MANBA: variants seen among roughly 807,000 people sequenced by gnomAD.
MANBA encodes the protein beta-mannosidase.
A neutral mutation model predicts 111.1 loss-of-function variants in MANBA; 83 were observed. The ratio of observed to expected loss-of-function variants is 0.75; its 90% confidence interval spans 0.63 to 0.90. MANBA has a LOEUF of 0.90. Among genes scored for constraint, MANBA ranks in the 40% least tolerant of loss-of-function variants. The pLI, the probability that MANBA is intolerant of heterozygous loss-of-function variation, is 0.00. For synonymous variants in MANBA, 370 were observed against 378.7 expected, an observed-to-expected ratio of 0.98 and a Z score of 0.27; for missense variants, 1,036 against 1,069.0, an observed-to-expected ratio of 0.97 and a Z score of 0.43.
At chr4:102,650,928 C>T (rs1176323720) in intron 12 of MANBA, 1 of 499,208 alleles carries the variant, frequency 2.0e-6, no homozygotes, top group African/African-American at 1.9e-5. Context: ...TATATCCTCC[C>T]TTCCTCCAAC....
intron 5 of MANBA, among the ~76,000 whole-genome samples, chr4:102,713,884 G>A (rs1463976630): frequency 8.3e-6 from 1 of 120,282 alleles, no homozygotes; most frequent in Non-Finnish European, 1.7e-5. Flanking sequence ...CAACAAGAGT[G>A]AAACTCCATC....
chr4:102,730,274 G>A (rs549435867), intron 1 of MANBA: 17 of 554,044 alleles, frequency 3.1e-5, no homozygotes, highest in Non-Finnish European at 4.5e-5. Context: ...ACCACATATC[G>A]TCTCATGACC....
chr4:102,680,019 T>C (rs1232867558), intron 7 of MANBA, among the ~76,000 whole-genome samples: 1 of 152,180 alleles, frequency 6.6e-6, no homozygotes, highest in Non-Finnish European at 1.5e-5. Context: ...ATTTGATTAA[T>C]TGCTGTAGAA....
intron 4 of MANBA, among the ~76,000 whole-genome samples, chr4:102,720,366 C>T (rs1169452072): frequency 1.3e-5 from 2 of 150,288 alleles, no homozygotes; most frequent in African/African-American, 2.5e-5. Context: ...ACCCAGGAGG[C>T]GGAGCTTGCA....
chr4:102,670,241 A>G (rs1731434482), intron 9 of MANBA, among the ~76,000 whole-genome samples: 1 of 151,558 alleles, frequency 6.6e-6, no homozygotes, highest in Non-Finnish European at 1.5e-5. Context: ...GAGTTGTTAG[A>G]GTTTGGATAA....
chr4:102,684,244 C>CCAGG (rs1197168476), intron 7 of MANBA, among the ~76,000 whole-genome samples: 5 of 151,936 alleles, frequency 3.3e-5, no homozygotes, highest in African/African-American at 1.2e-4. Flanking sequence ...TAAAGCAAGC[C>CCAGG]CAGGGTAACA....
intron 1 of MANBA, among the ~76,000 whole-genome samples, chr4:102,753,532 G>A (rs1246894607): frequency 6.6e-6 from 1 of 152,002 alleles, no homozygotes; most frequent in Non-Finnish European, 1.5e-5. Flanking sequence ...ATGAGTTATA[G>A]GCAACCAATT....
chr4:102,743,617 T>C (rs1475196084), intron 1 of MANBA, among the ~76,000 whole-genome samples: 1 of 152,150 alleles, frequency 6.6e-6, no homozygotes, highest in Non-Finnish European at 1.5e-5. Context: ...CACTTCCTCA[T>C]GTAACTTAAC....
chr4:102,714,626 A>G, intron 4 of MANBA, 65 bp from the exon 5 acceptor site: 1 of 1,501,108 alleles, frequency 6.7e-7, no homozygotes, highest in South Asian at 1.2e-5. Context: ...ATTATGAAAA[A>G]CATTTTCTTT....
chr4:102,637,996 A>T (rs1729704470), intron 14 of MANBA, among the ~76,000 whole-genome samples: 1 of 152,200 alleles, frequency 6.6e-6, no homozygotes, highest in African/African-American at 2.4e-5. Flanking sequence ...ATAGTGTCAG[A>T]CTTAAATTGG....
At chr4:102,688,779 G>A (rs1732339775) in intron 7 of MANBA, among the ~76,000 whole-genome samples, 2 of 151,994 alleles carry the variant, frequency 1.3e-5, no homozygotes, top group Admixed American at 1.3e-4. Flanking sequence ...TCCTAAAATG[G>A]GTAAAACTGA....
intron 16 of MANBA, among the ~76,000 whole-genome samples, chr4:102,634,104 T>C (rs1043824050): frequency 2.6e-5 from 4 of 152,210 alleles, no homozygotes; most frequent in Non-Finnish European, 5.9e-5. Flanking sequence ...TGTGTACATA[T>C]ATTTCCAACT....
intron 1 of MANBA, among the ~76,000 whole-genome samples, chr4:102,744,414 C>T (rs145492416): frequency 2.0e-5 from 3 of 152,254 alleles, no homozygotes; most frequent in African/African-American, 4.8e-5. Context: ...CTTGTGGAAG[C>T]GAAAGAGATC....
At chr4:102,706,901 A>T (rs895089267) in intron 5 of MANBA, among the ~76,000 whole-genome samples, 9 of 152,194 alleles carry the variant, frequency 5.9e-5, no homozygotes, top group Non-Finnish European at 2.9e-5. Context: ...AGAATAAAAA[A>T]GATTGACAAA....
At chr4:102,647,418 C>A (rs561909571) in intron 13 of MANBA, among the ~76,000 whole-genome samples, 11 of 151,176 alleles carry the variant, frequency 7.3e-5, no homozygotes, top group Middle Eastern at 3.4e-3. Flanking sequence ...AACTATGGAC[C>A]TTGAATGCTG....
rs1329892826 is a variant in MANBA at position 102,677,670 on chromosome 4, T to A, written c.961-3600A>T. The stretch of plus-strand genomic sequence containing the variant: ...CTATTTTTTCCCTTTTCCAAGTACA[T>A]CTGTGTGAGGTCAGATTTCCTTAAT... On this transcript the variant is annotated intron_variant, in intron 7 of 16. Coordinates refer to ENST00000647097, the MANE Select transcript of MANBA (RefSeq NM_005908.4). 2.0e-5 allele frequency among the ~76,000 whole-genome samples: 3 copies of A among 152,148 alleles called. No homozygotes were observed. In the East Asian group the frequency reaches 5.8e-4, roughly 29 times the overall value.
In MANBA at chr4:102,752,338, C is replaced by T. The variant is rs552863841; in HGVS notation, c.177+8380G>A. 5.9e-6 allele frequency: 8 copies of T among 1,361,556 alleles called. No individual in the cohort carries two copies. In the East Asian group the frequency reaches 1.8e-4, roughly 31 times the overall value. The allele number at this position is 1,361,556 out of a possible 1,614,324, so 84.3% of individuals were successfully genotyped here. On this transcript the variant is annotated intron_variant, in intron 1 of 16. Transcript: ENST00000647097. ...TTTAGCATCTGGAAGCACAGATAGG[C>T]ATACCAGACTGTGGGATCCCCGAAC...
In MANBA at chr4:102,689,747, A is replaced by T. The variant is rs1295264937; in HGVS notation, c.850-63T>A. 3 of 909,546 alleles carry T rather than the reference A, an allele frequency of 3.3e-6. No individual in the cohort carries two copies. The Admixed American group carries it at 5.2e-5, about 16-fold the overall frequency. The allele number at this position is 909,546 out of a possible 1,614,324, so 56.3% of individuals were successfully genotyped here. ...ATTTTCAGCAAAAAAGGCTCAAAGC[A>T]TTACATCAATTTCTCAAATAGTCAA... On this transcript the variant is annotated intron_variant, in intron 6 of 16. Transcript: ENST00000647097.
At chr4:102,633,445 C>T in intron 16 of MANBA, 1 of 398,636 alleles carries the variant, frequency 2.5e-6, no homozygotes, top group Non-Finnish European at 4.4e-6. Context: ...GTATGTCTGA[C>T]TGCAGAGCCT....
Sources: allele counts gnomAD v4.1 joint callset (sites outside exome capture counted in the v4.1 genomes callset), GRCh38; gene constraint gnomAD v4.1.1; transcripts MANE v1.5; gene names NCBI Gene and HGNC (gene_info 2026-07-23, HGNC 2026-07-21).